Variants in NKAIN2 observed in about 807,000 individuals in gnomAD.
NKAIN2 encodes the protein sodium/potassium-transporting ATPase subunit beta-1-interacting protein 2.
Under a neutral mutation model 32.6 loss-of-function variants are expected in NKAIN2, and 14 were observed. The observed-to-expected ratio is 0.43, with a 90% CI of 0.28 to 0.67. The LOEUF (loss-of-function observed/expected upper bound fraction) is 0.67, where lower values mean the gene tolerates loss of function less well. NKAIN2 is among the 30% of genes least tolerant of loss of function. The pLI is 0.17. For missense variants in NKAIN2, 198 were observed against 258.3 expected (o/e 0.77, Z 1.60); for synonymous variants, 80 against 87.2 (o/e 0.92, Z 0.46).
chr6:124,521,161 C>A (rs1779103894), intron 3 of NKAIN2, among the ~76,000 whole-genome samples: 1 of 152,054 alleles, frequency 6.6e-6, no homozygotes, highest in South Asian at 2.1e-4. Context: ...GGACCTAGTA[C>A]AATGTCAAGC....
At chr6:124,043,179 A>C (rs1331391209) in intron 1 of NKAIN2, among the ~76,000 whole-genome samples, 5 of 151,938 alleles carry the variant, frequency 3.3e-5, no homozygotes, top group African/African-American at 1.2e-4. Context: ...CCAACATGGC[A>C]AAACCTTGTC....
chr6:124,017,364 C>T (rs2114750621), intron 1 of NKAIN2, among the ~76,000 whole-genome samples: 1 of 152,146 alleles, frequency 6.6e-6, no homozygotes, highest in Middle Eastern at 3.4e-3. Context: ...CTCTTGTGGC[C>T]CCACCCAAAT....
intron 1 of NKAIN2, among the ~76,000 whole-genome samples, chr6:124,028,873 ATGTATATATATGTG>A (rs1781261728): frequency 2.3e-5 from 1 of 44,110 alleles, no homozygotes; most frequent in Non-Finnish European, 6.3e-5. Flanking sequence ...ATACACATAT[ATGTATATATATGTG>A]TATATATATA....
intron 3 of NKAIN2, among the ~76,000 whole-genome samples, chr6:124,382,781 C>T (rs1310583010): frequency 6.6e-6 from 1 of 152,188 alleles, no homozygotes; most frequent in East Asian, 1.9e-4. Context: ...TTAAATTCAT[C>T]TTGCCAAGTT....
chr6:124,526,594 C>G (rs1779323562), intron 3 of NKAIN2, among the ~76,000 whole-genome samples: 2 of 152,022 alleles, frequency 1.3e-5, no homozygotes, highest in African/African-American at 4.8e-5. Context: ...CTCTCATGGA[C>G]TCAGAGAAAA....
chr6:124,142,167 G>GGATTCTA (rs1582726713), intron 1 of NKAIN2, among the ~76,000 whole-genome samples: 2 of 152,040 alleles, frequency 1.3e-5, no homozygotes, highest in East Asian at 3.9e-4. Context: ...CTTGGGAGGG[G>GGATTCTA]CCCTGAAATC....
chr6:124,038,795 A>G (rs1193850873), intron 1 of NKAIN2, among the ~76,000 whole-genome samples: 2 of 152,170 alleles, frequency 1.3e-5, no homozygotes, highest in Non-Finnish European at 2.9e-5. Flanking sequence ...ATGTGTTTAC[A>G]TCAGAACTTG....
intron 4 of NKAIN2, among the ~76,000 whole-genome samples, chr6:124,661,395 C>G (rs914507300): frequency 1.3e-5 from 2 of 152,180 alleles, no homozygotes; most frequent in Non-Finnish European, 2.9e-5. Flanking sequence ...ATCTCTCCAG[C>G]TCTTTGTCTC....
chr6:124,468,662 C>A (rs2814784), intron 3 of NKAIN2, among the ~76,000 whole-genome samples: 89,648 of 151,900 alleles, frequency 0.59, 28,600 homozygotes, highest in East Asian at 0.78. Context: ...AATATAATGG[C>A]TCTATTAATT....
intron 1 of NKAIN2, among the ~76,000 whole-genome samples, chr6:123,971,916 G>A (rs536565831): frequency 6.6e-6 from 1 of 152,038 alleles, no homozygotes; most frequent in Non-Finnish European, 1.5e-5. Flanking sequence ...AATACAATTG[G>A]CCTTTGAACA....
intron 4 of NKAIN2, among the ~76,000 whole-genome samples, chr6:124,711,495 T>A (rs1194711235): frequency 4.6e-5 from 7 of 151,350 alleles, no homozygotes; most frequent in Admixed American, 4.6e-4. Flanking sequence ...TAGTCCCATA[T>A]GTCTTGGAGT....
chr6:124,114,759 A>G (rs1321250087), intron 1 of NKAIN2, among the ~76,000 whole-genome samples: 1 of 152,168 alleles, frequency 6.6e-6, no homozygotes, highest in Non-Finnish European at 1.5e-5. Flanking sequence ...AGAAGTAGTG[A>G]TTAATTGTGC....
intron 1 of NKAIN2, among the ~76,000 whole-genome samples, chr6:123,994,374 C>T (rs1269101152): frequency 6.6e-6 from 1 of 152,008 alleles, no homozygotes; most frequent in Non-Finnish European, 1.5e-5. Context: ...ATAATTTTCC[C>T]TCTCAATTCT....
At chr6:124,023,793 T>C (rs571844482) in intron 1 of NKAIN2, among the ~76,000 whole-genome samples, 1 of 152,276 alleles carries the variant, frequency 6.6e-6, no homozygotes, top group East Asian at 1.9e-4. Flanking sequence ...TTTTTGTAAT[T>C]GAAAAGCTAC....
intron 1 of NKAIN2, among the ~76,000 whole-genome samples, chr6:124,139,090 T>TTATTTTTA (rs1787000392): frequency 7.6e-6 from 1 of 131,496 alleles, no homozygotes; most frequent in Non-Finnish European, 1.6e-5. Context: ...TTTTTTTTTT[T>TTATTTTTA]TTTTTTTTTG....
At chr6:124,279,473 C>T (rs1795196195) in intron 1 of NKAIN2, among the ~76,000 whole-genome samples, 1 of 147,554 alleles carries the variant, frequency 6.8e-6, no homozygotes, top group Non-Finnish European at 1.5e-5. Context: ...CACCACTGCA[C>T]TCCATCCAGC....
At chr6:124,815,331 T>C (rs1339990773) in intron 5 of NKAIN2, among the ~76,000 whole-genome samples, 2 of 148,648 alleles carry the variant, frequency 1.3e-5, no homozygotes, top group Non-Finnish European at 3.0e-5. Context: ...TGGAGTGCAA[T>C]GGCATGATCT....
intron 4 of NKAIN2, among the ~76,000 whole-genome samples, chr6:124,664,487 T>C (rs1251308501): frequency 6.6e-6 from 1 of 151,840 alleles, no homozygotes; most frequent in Non-Finnish European, 1.5e-5. Context: ...TATATACAAA[T>C]TTATACCTAT....
At position 124,283,117 on chromosome 6, in the gene NKAIN2, A is replaced by G; in HGVS notation, c.167A>G (p.Gln56Arg). Residue 56 changes from glutamine (Q) to arginine (R), a missense_variant, in exon 2 of 7, where the codon CAA becomes CGA. By Grantham distance (43) the Gln-to-Arg change is conservative. Coordinates refer to ENST00000368417, the MANE Select transcript of NKAIN2 (RefSeq NM_001040214.3). ...IVILGLFGTI[Q>R]YRPRYITGYA... is the part of the protein sequence containing the mutation. ...ATTCTTGGTTTGTTTGGAACTATTC[A>G]ATATAGACCTCGTTACATAACAGGA... is the stretch of plus-strand genomic sequence containing the variant. 1 of 1,609,696 alleles carries G rather than the reference A, an allele frequency of 6.2e-7. No homozygotes were observed. The highest frequency in any genetic ancestry group is 1.1e-5 in the South Asian group (1 of 90,964).
Sources: gnomAD v4.1 joint callset for allele counts (sites outside exome capture counted in the v4.1 genomes callset) on GRCh38, gnomAD v4.1.1 for gene constraint, MANE v1.5 for transcripts, NCBI Gene and HGNC (gene_info 2026-07-23, HGNC 2026-07-21) for gene names.